TBC1D4: variants seen among roughly 807,000 people sequenced by gnomAD.
TBC1D4 encodes TBC1 domain family member 4, also known as TBC (Tre-2, BUB2, CDC16) domain-containing protein.
In TBC1D4, 121 loss-of-function variants were observed where a neutral mutation model predicts 142.5. That is an observed-to-expected ratio of 0.85 (90% CI 0.73 to 0.99). The LOEUF (loss-of-function observed/expected upper bound fraction) is 0.99. TBC1D4 is among the 50% of genes least tolerant of loss of function. The probability of loss-of-function intolerance (pLI) is 0.00; values close to 1 mark genes in which losing one functional copy is unlikely to be tolerated. For missense variants in TBC1D4, 1,475 were observed against 1,606.6 expected (o/e 0.92, Z 1.40); for synonymous variants, 630 against 628.2 (o/e 1.00, Z -0.04).
At chr13:75,331,313 A>G (rs1009602304) in intron 8 of TBC1D4, among the ~76,000 whole-genome samples, 4 of 151,848 alleles carry the variant, frequency 2.6e-5, no homozygotes, top group Non-Finnish European at 5.9e-5. Flanking sequence ...GGGCAACATG[A>G]TAAGACCCTG....
intron 1 of TBC1D4, among the ~76,000 whole-genome samples, chr13:75,365,115 A>G (rs561281110): frequency 1.3e-5 from 2 of 152,342 alleles, no homozygotes; most frequent in East Asian, 3.9e-4. Flanking sequence ...CAACACCTAA[A>G]TGTAATTCTG....
In TBC1D4 at chr13:75,299,823, CAAAAAAAA is replaced by C. The variant is rs56719877; in HGVS notation, c.2912-257_2912-250del. Reference sequence around the variant, plus strand: ...TATGCTAACCAGTACTTCTTTCCAGCAAAAAAAAAAAAAAAAAAAAAAAAATACAATAA... The same window carrying C: ...TATGCTAACCAGTACTTCTTTCCAGCAAAAAAAAAAAAAAAAATACAATAA... On this transcript the variant is annotated intron_variant, in intron 16 of 20. Coordinates refer to ENST00000377636, the MANE Select transcript of TBC1D4 (RefSeq NM_014832.5). 5.7e-3 allele frequency among the ~76,000 whole-genome samples: 608 copies of C among 105,954 alleles called. 2 individuals carry two copies. The highest frequency in any genetic ancestry group is 0.018 in the Admixed American group (176 of 10,040). The allele number at this position is 105,954 out of a possible 152,430, so 69.5% of individuals were successfully genotyped here.
intron 1 of TBC1D4, among the ~76,000 whole-genome samples, chr13:75,365,206 G>A (rs1882835550): frequency 6.6e-6 from 1 of 152,096 alleles, no homozygotes; most frequent in Non-Finnish European, 1.5e-5. Context: ...AATAATTTAA[G>A]ATGCTAATAT....
intron 13 of TBC1D4, among the ~76,000 whole-genome samples, 186 bp downstream of exon 13, chr13:75,312,552 T>C (rs1025807048): frequency 5.3e-5 from 8 of 152,194 alleles, no homozygotes; most frequent in Non-Finnish European, 1.2e-4. Context: ...CATTCATTCA[T>C]TCAACAAGCA....
intron 1 of TBC1D4, among the ~76,000 whole-genome samples, chr13:75,449,077 A>G (rs984147367): frequency 6.6e-6 from 1 of 151,864 alleles, no homozygotes; most frequent in African/African-American, 2.4e-5. Flanking sequence ...TCTGATGATA[A>G]TTATATATCA....
intron 1 of TBC1D4, among the ~76,000 whole-genome samples, chr13:75,390,559 T>TG (rs1255823330): frequency 1.3e-5 from 2 of 152,084 alleles, no homozygotes; most frequent in African/African-American, 4.8e-5. Flanking sequence ...CATTTAGTAA[T>TG]GGCAGCCCCA....
chr13:75,434,426 A>G (rs1177118779), intron 1 of TBC1D4, among the ~76,000 whole-genome samples: 1 of 152,186 alleles, frequency 6.6e-6, no homozygotes, highest in Non-Finnish European at 1.5e-5. Context: ...CAAATACCAC[A>G]TGTTCTCACT....
In TBC1D4 at chr13:75,304,906, T is replaced by TA. The variant is rs749268579; in HGVS notation, c.2752+1406dup. Among the ~76,000 whole-genome samples, 95 of 152,132 alleles carry TA rather than the reference T, an allele frequency of 6.2e-4. 1 individual carries two copies. The Middle Eastern group carries it at 0.02, about 33-fold the overall frequency. On this transcript the variant is annotated intron_variant, in intron 15 of 20. Coordinates refer to ENST00000377636, the MANE Select transcript of TBC1D4 (RefSeq NM_014832.5). ...GCACACAATACAAGGTAAGGAGAGA[T>TA]AACAAAATGAGATCAGAAAGGAGGA... is the stretch of plus-strand genomic sequence containing the variant.
chr13:75,363,290 G>A (rs1050058271), intron 1 of TBC1D4, among the ~76,000 whole-genome samples: 6 of 152,106 alleles, frequency 3.9e-5, no homozygotes, highest in Non-Finnish European at 7.4e-5. Flanking sequence ...CCACACAAGA[G>A]CCTACAAACA....
At chr13:75,433,192 T>A (rs1456258325) in intron 1 of TBC1D4, among the ~76,000 whole-genome samples, 2 of 152,214 alleles carry the variant, frequency 1.3e-5, no homozygotes, top group Non-Finnish European at 2.9e-5. Flanking sequence ...CACTCATTCA[T>A]CAGATCCATC....
intron 12 of TBC1D4, among the ~76,000 whole-genome samples, chr13:75,318,225 G>C (rs1227411077): frequency 6.6e-6 from 1 of 152,174 alleles, no homozygotes; most frequent in African/African-American, 2.4e-5. Context: ...TTTGCACAAA[G>C]GCAAACTCTT....
At position 75,309,924 on chromosome 13, in the gene TBC1D4, T is replaced by A; in HGVS notation, c.2593+18A>T. ...TCAATCATAGCATCATAGCATTTAG[T>A]CTGTTAAAATGGCTAACCTTCAAGT... On this transcript the variant is annotated intron_variant, in intron 14 of 20. Coordinates refer to ENST00000377636, the MANE Select transcript of TBC1D4 (RefSeq NM_014832.5). 4 of 1,612,880 alleles carry A rather than the reference T, an allele frequency of 2.5e-6. No individual in the cohort carries two copies. The highest frequency in any genetic ancestry group is 3.4e-6 in the Non-Finnish European group (4 of 1,178,898).
intron 1 of TBC1D4, 75 bp downstream of exon 1, chr13:75,481,195 T>TCCCCCCCCCCA: frequency 7.7e-7 from 1 of 1,292,712 alleles, no homozygotes; most frequent in African/African-American, 1.5e-5. Context: ...TAAAGTGGGG[T>TCCCCCCCCCCA]CCCCGCCCCT....
chr13:75,412,268 C>T (rs952028748), intron 1 of TBC1D4, among the ~76,000 whole-genome samples: 37 of 151,798 alleles, frequency 2.4e-4, no homozygotes, highest in Non-Finnish European at 5.0e-4. Flanking sequence ...GCCTAAAAGA[C>T]GTGGGGTTTT....
intron 1 of TBC1D4, among the ~76,000 whole-genome samples, chr13:75,468,516 TG>T (rs1212731224): frequency 6.6e-6 from 1 of 151,372 alleles, no homozygotes; most frequent in Non-Finnish European, 1.5e-5. Flanking sequence ...AAACTTCCTA[TG>T]TTTTGATCAG....
intron 8 of TBC1D4, among the ~76,000 whole-genome samples, chr13:75,329,649 C>T (rs1879579408): frequency 6.6e-6 from 1 of 152,104 alleles, no homozygotes; most frequent in Non-Finnish European, 1.5e-5. Flanking sequence ...TAGTTTAATT[C>T]CTCATTTGGG....
intron 4 of TBC1D4, 93 bp from the exon 5 acceptor site, chr13:75,349,395 C>T (rs1881424159): frequency 1.3e-6 from 2 of 1,498,254 alleles, no homozygotes; most frequent in South Asian, 2.3e-5. Flanking sequence ...TTGATGCTGA[C>T]TAAATAAAAA....
Position 75,419,853 on chromosome 13 carries a change from G to A in TBC1D4, c.499-57246C>T, listed in dbSNP as rs551040096. Among the ~76,000 whole-genome samples, 14 of 152,322 alleles carry A rather than the reference G, an allele frequency of 9.2e-5. No homozygotes were observed. In the South Asian group the frequency reaches 1.7e-3, roughly 18 times the overall value. ...TGTCTCTCATCAGGGGTGATAGGAC[G>A]TGCACAAATAACCACAGTAGAATGC... On this transcript the variant is annotated intron_variant, in intron 1 of 20. Transcript: ENST00000377636.
At chr13:75,407,523 A>G (rs1181450041) in intron 1 of TBC1D4, among the ~76,000 whole-genome samples, 1 of 152,238 alleles carries the variant, frequency 6.6e-6, no homozygotes, top group Non-Finnish European at 1.5e-5. Flanking sequence ...ATTAGGTGAG[A>G]AAGTATCCTC....
Sources: allele counts gnomAD v4.1 joint callset (sites outside exome capture counted in the v4.1 genomes callset), GRCh38; gene constraint gnomAD v4.1.1; transcripts MANE v1.5; gene names NCBI Gene and HGNC (gene_info 2026-07-23, HGNC 2026-07-21).